CCNJL: variants seen among roughly 807,000 people sequenced by gnomAD.
CCNJL encodes the protein cyclin J like, also known as cyclin-J-like protein.
A neutral mutation model predicts 33.4 loss-of-function variants in CCNJL; 33 were observed. The ratio of observed to expected loss-of-function variants is 0.99; its 90% CI spans 0.75 to 1.32. The LOEUF is 1.32. Among genes scored for constraint, CCNJL ranks in the 40% most tolerant of loss-of-function variants. CCNJL has a pLI of 0.00. For missense variants in CCNJL, 512 were observed against 499.7 expected (o/e 1.02, Z -0.23); for synonymous variants, 227 against 220.9 (o/e 1.03, Z -0.24).
At chr5:160,269,065 A>G (rs1761722298) in intron 3 of CCNJL, among the ~76,000 whole-genome samples, 1 of 152,214 alleles carries the variant, frequency 6.6e-6, no homozygotes, top group Admixed American at 6.5e-5. Context: ...AAAAGAGACC[A>G]GAGGTGAGGT....
intron 3 of CCNJL, among the ~76,000 whole-genome samples, chr5:160,268,627 C>A (rs1761706052): frequency 6.6e-6 from 1 of 152,162 alleles, no homozygotes; most frequent in Non-Finnish European, 1.5e-5. Flanking sequence ...TTCAGTGGTG[C>A]TCAAGGAAGG....
chr5:160,325,771 CAGA>C (rs1254501726), intron 1 of CCNJL, among the ~76,000 whole-genome samples: 2 of 152,108 alleles, frequency 1.3e-5, no homozygotes, highest in African/African-American at 4.8e-5. Flanking sequence ...CTTGAAAGGT[CAGA>C]AGATCTAGCT....
intron 1 of CCNJL, chr5:160,326,593 C>G: frequency 2.1e-6 from 1 of 473,210 alleles, no homozygotes; most frequent in Admixed American, 3.0e-5. Context: ...ATGATCAACT[C>G]TAATCATAGT....
intron 3 of CCNJL, among the ~76,000 whole-genome samples, chr5:160,262,269 CTCAA>C (rs950261321): frequency 6.6e-6 from 1 of 152,156 alleles, no homozygotes; most frequent in African/African-American, 2.4e-5. Flanking sequence ...GGCAGATGTG[CTCAA>C]TCAGATTAGT....
chr5:160,262,509 T>G (rs1407936502), intron 3 of CCNJL, among the ~76,000 whole-genome samples: 2 of 152,182 alleles, frequency 1.3e-5, no homozygotes, highest in Admixed American at 6.5e-5. Flanking sequence ...GGCTGCTTAT[T>G]TGCTTATGTT....
At chr5:160,330,876 C>A (rs937336868) in intron 1 of CCNJL, among the ~76,000 whole-genome samples, 8 of 152,138 alleles carry the variant, frequency 5.3e-5, no homozygotes, top group Non-Finnish European at 7.4e-5. Context: ...GTTGGCCGGG[C>A]TAGTCTCGAA....
chr5:160,324,120 G>T (rs886644120), intron 1 of CCNJL, among the ~76,000 whole-genome samples: 1 of 152,118 alleles, frequency 6.6e-6, no homozygotes, highest in African/African-American at 2.4e-5. Context: ...GTCTTCTATT[G>T]GTTCTGGTTC....
chr5:160,299,372 G>A (rs376099466), intron 2 of CCNJL, among the ~76,000 whole-genome samples: 4 of 151,976 alleles, frequency 2.6e-5, no homozygotes, highest in East Asian at 1.9e-4. Flanking sequence ...GGCTGGTCTC[G>A]AATTCCTGAC....
At chr5:160,323,077 A>G (rs1211854925) in intron 1 of CCNJL, among the ~76,000 whole-genome samples, 2 of 151,930 alleles carry the variant, frequency 1.3e-5, no homozygotes, top group African/African-American at 2.4e-5. Flanking sequence ...TACTAAAAAC[A>G]TACAAAAATT....
intron 1 of CCNJL, among the ~76,000 whole-genome samples, chr5:160,332,517 C>A (rs1307533852): frequency 6.6e-6 from 1 of 152,228 alleles, no homozygotes; most frequent in African/African-American, 2.4e-5. Context: ...TCTGCCTACA[C>A]CTTTGTTAAC....
upstream of CCNJL, among the ~76,000 whole-genome samples, chr5:160,313,273 T>C (rs1763333059): frequency 6.6e-6 from 1 of 152,250 alleles, no homozygotes; most frequent in Non-Finnish European, 1.5e-5. Context: ...GCTATCCTTC[T>C]TGGCTGATTG....
At position 160,259,518 on chromosome 5, in the gene CCNJL, T is replaced by C; in HGVS notation, c.534A>G (p.Lys178=). Residue 178 remains lysine, a synonymous_variant, in exon 4 of 6, where the codon AAA becomes AAG. Coordinates refer to ENST00000257536, the MANE Select transcript of CCNJL (RefSeq NM_001308173.3). ...AATGGGCATACTCCTTGAGGCACTC[T>C]TTGGTCTTGCGGGGGCAGGTGGTGG... ...TWPTTCPRKT[K]ECLKEYAHYF... 2 of 1,614,136 alleles carry C rather than the reference T, an allele frequency of 1.2e-6. No individual in the cohort carries two copies. The highest frequency in any genetic ancestry group is 1.7e-6 in the Non-Finnish European group (2 of 1,180,004).
chr5:160,292,572 G>A (rs1354196714), intron 2 of CCNJL, among the ~76,000 whole-genome samples: 2 of 152,090 alleles, frequency 1.3e-5, no homozygotes, highest in Admixed American at 6.5e-5. Context: ...AGTGACCTAC[G>A]ATTATGCCAC....
chr5:160,257,132 G>A (rs1197437016), intron 4 of CCNJL, among the ~76,000 whole-genome samples: 2 of 151,950 alleles, frequency 1.3e-5, no homozygotes, highest in Non-Finnish European at 2.9e-5. Flanking sequence ...TGTAATCCCA[G>A]GAGTTTGAGA....
At chr5:160,281,504 A>G (rs1762213593) in intron 2 of CCNJL, 1 of 152,362 alleles carries the variant, frequency 6.6e-6, no homozygotes, top group Non-Finnish European at 1.5e-5. Context: ...ATACTGCCAC[A>G]TTACCTTATT....
intron 2 of CCNJL, among the ~76,000 whole-genome samples, chr5:160,306,351 GA>G (rs1180870961): frequency 5.9e-5 from 9 of 151,758 alleles, no homozygotes; most frequent in Admixed American, 2.6e-4. Context: ...CAGGAAGTGG[GA>G]AAAAATGCAT....
chr5:160,255,487 A>G (rs1366809144), intron 5 of CCNJL, 62 bp downstream of exon 5: 30 of 1,494,396 alleles, frequency 2.0e-5, no homozygotes, highest in Non-Finnish European at 2.8e-5. Flanking sequence ...GGCCTGAGGC[A>G]GGCCTCAAGG....
intron 3 of CCNJL, among the ~76,000 whole-genome samples, chr5:160,274,642 G>A (rs1429631286): frequency 1.3e-5 from 2 of 152,238 alleles, no homozygotes; most frequent in Non-Finnish European, 2.9e-5. Flanking sequence ...TTCTCCTAGG[G>A]AGGAGGACAG....
At chr5:160,285,828 A>C (rs1407998775) in intron 2 of CCNJL, among the ~76,000 whole-genome samples, 1 of 152,218 alleles carries the variant, frequency 6.6e-6, no homozygotes, top group Non-Finnish European at 1.5e-5. Flanking sequence ...AGAGCAGATC[A>C]TTGGCCTGGT....
Sources: gnomAD v4.1 joint callset for allele counts (sites outside exome capture counted in the v4.1 genomes callset) on GRCh38, gnomAD v4.1.1 for gene constraint, MANE v1.5 for transcripts, NCBI Gene and HGNC (gene_info 2026-07-23, HGNC 2026-07-21) for gene names.